CDK16: variants seen among roughly 807,000 people sequenced by gnomAD.
CDK16 encodes the protein cyclin dependent kinase 16, also known as cyclin-dependent kinase 16.
Under a neutral mutation model 41.6 loss-of-function variants are expected in CDK16, and 2 were observed. The observed-to-expected ratio is 0.05, with a 90% CI of 0.02 to 0.15. The LOEUF (loss-of-function observed/expected upper bound fraction) is 0.15, where lower values mean the gene tolerates loss of function less well. Ranked by LOEUF, CDK16 falls within the 10% of genes least tolerant of loss-of-function variation. CDK16 has a pLI of 1.00. For synonymous variants in CDK16, 169 were observed against 169.7 expected (o/e 1.00, Z 0.03); for missense variants, 228 against 428.9 (o/e 0.53, Z 4.14).
At position 47,227,436 on chromosome X, in the gene CDK16, A is replaced by G; in HGVS notation, c.1342A>G (p.Ser448Gly). 1 of 1,209,148 alleles carries G rather than the reference A, an allele frequency of 8.3e-7. No homozygotes were observed. Among genetic ancestry groups the G allele is most frequent in the African/African-American group, 1.7e-5 (1 of 57,659 alleles). Residue 448 changes from serine (S) to glycine (G), a missense_variant, in exon 14 of 16, where the codon AGT (serine) becomes GGT (glycine). Physicochemically the swap from Ser to Gly is moderately conservative, Grantham distance 56. Transcript: ENST00000357227. ...TGCCATGAAACATCCATTCTTCCTCAGTCTGGGGGAGCGGATCCACAAACT... is the reference window on the plus strand; with the variant it reads ...TGCCATGAAACATCCATTCTTCCTCGGTCTGGGGGAGCGGATCCACAAACT... ...EDAMKHPFFL[S>G]LGERIHKLPD...
rs780369654 is a variant in CDK16, at chrX:47,228,745, C to T, written c.1468C>T (p.Arg490Cys). Residue 490 changes from arginine (R) to cysteine (C), a missense_variant, in exon 16 of 16, where the codon CGC becomes TGC. Around this residue, in one of 3 missense-constraint regions of CDK16, gnomAD observed 91 missense variants for 129.5 expected, o/e 0.70. Coordinates refer to ENST00000357227, the MANE Select transcript of CDK16 (RefSeq NM_006201.5). Reference sequence around the variant, plus strand: ...TTCCCCCACAGGCAGGCCAGCTTTCCGCGTGGTGGACACCGAGTTCTAAGC... The same window carrying T: ...TTCCCCCACAGGCAGGCCAGCTTTCTGCGTGGTGGACACCGAGTTCTAAGC... ...SMPDSGRPAFRVVDTEF is the reference protein window; with the variant it reads ...SMPDSGRPAFCVVDTEF The T allele has an allele frequency of 1.2e-5, 15 of 1,207,855 alleles. No homozygotes were observed. The highest frequency in any genetic ancestry group is 7.1e-5 in the South Asian group (4 of 56,506).
rs781537687 is a variant in CDK16 at position 47,226,031 on chromosome X, G to C, written c.792+4G>C. ...CATCAACATGCACAACGTGAAAGTGGGTGTGGGGCAGGAAGCAGGGGCACA... is the reference window on the plus strand; with the variant it reads ...CATCAACATGCACAACGTGAAAGTGCGTGTGGGGCAGGAAGCAGGGGCACA... On this transcript the variant is annotated splice_donor_region_variant and intron_variant, in intron 8 of 15. Coordinates refer to ENST00000357227, the MANE Select transcript of CDK16 (RefSeq NM_006201.5). 8.4e-7 allele frequency: 1 copy of C among 1,193,631 alleles called. No homozygotes were observed. Among genetic ancestry groups the C allele is most frequent in the Non-Finnish European group, 1.1e-6 (1 of 886,269 alleles).
At chrX:47,218,454 A>G (rs1937170911), upstream of CDK16, 1 of 513,185 alleles carries the variant, frequency 1.9e-6, no homozygotes, top group Non-Finnish European at 3.1e-6. Flanking sequence ...GAGACCGAGT[A>G]GGGGGAACGA....
In CDK16 at chrX:47,228,891, C is replaced by A; in HGVS notation, c.*123C>A. The A allele has an allele frequency of 1.4e-6, 1 of 721,131 alleles. No homozygotes were observed. Among genetic ancestry groups the A allele is most frequent in the Non-Finnish European group, 2.1e-6 (1 of 473,402 alleles). The allele number at this position is 721,131 out of a possible 1,213,427, so 59.4% of individuals were successfully genotyped here. On this transcript the variant is annotated 3_prime_UTR_variant, in exon 16 of 16. Coordinates refer to ENST00000357227, the MANE Select transcript of CDK16 (RefSeq NM_006201.5). Reference sequence around the variant, plus strand: ...CCTGCCTGAGCCATGTTCACCTGCCCACTTGTCCCCTGCTGCCTGCCCAAA... The same window carrying A: ...CCTGCCTGAGCCATGTTCACCTGCCAACTTGTCCCCTGCTGCCTGCCCAAA...
rs1399495568 is a variant in CDK16 at position 47,224,607 on chromosome X, T to C, written c.337-11T>C. ...CTCATGATCCTGTTTCTCTCTTGCCTTACCTGCTAGGACATCAACAAGCGC... is the reference window on the plus strand; with the variant it reads ...CTCATGATCCTGTTTCTCTCTTGCCCTACCTGCTAGGACATCAACAAGCGC... On this transcript the variant is annotated splice_polypyrimidine_tract_variant and intron_variant, in intron 3 of 15. Coordinates refer to ENST00000357227, the MANE Select transcript of CDK16 (RefSeq NM_006201.5). 1 of 1,211,294 alleles carries C rather than the reference T, an allele frequency of 8.3e-7. No homozygotes were observed. The highest frequency in any genetic ancestry group is 2.2e-5 in the Admixed American group (1 of 45,994).
chrX:47,226,170 G>A, intron 8 of CDK16, 109 bp from the exon 9 acceptor site: 1 of 1,142,817 alleles, frequency 8.8e-7, no homozygotes, highest in Non-Finnish European at 1.2e-6. Context: ...CCTCTTTTGT[G>A]TGACAAGGCT....
intron 1 of CDK16, among the ~76,000 whole-genome samples, chrX:47,219,952 G>T (rs1381366830): frequency 9.1e-6 from 1 of 110,427 alleles, no homozygotes; most frequent in African/African-American, 3.3e-5. Flanking sequence ...AAGGAGATGA[G>T]AATTGCGTGT....
upstream of CDK16, chrX:47,218,387 T>G: frequency 2.6e-6 from 1 of 380,184 alleles, no homozygotes; most frequent in Non-Finnish European, 4.5e-6. Flanking sequence ...GAGTGCTTCA[T>G]TTGTCTTTTT....
Position 47,226,802 on chromosome X carries a change from C to A in CDK16, c.1038-10C>A, listed in dbSNP as rs1937558269. The A allele has an allele frequency of 1.7e-6, 2 of 1,200,336 alleles. No individual in the cohort carries two copies. ...GCTGCCTTTCTATTCACTGTGCCCT[C>A]CCTGCCCAGGGGTGTGGGCTGCATC... On this transcript the variant is annotated splice_polypyrimidine_tract_variant and intron_variant, in intron 10 of 15. Coordinates refer to ENST00000357227, the MANE Select transcript of CDK16 (RefSeq NM_006201.5).
chrX:47,222,990 A>G, intron 1 of CDK16: 1 of 637,248 alleles, frequency 1.6e-6, no homozygotes, highest in Non-Finnish European at 2.1e-6. Flanking sequence ...GAATGGGATG[A>G]TGCAGTGGTT....
chrX:47,222,952 T>TCCCCAC, intron 1 of CDK16: 1 of 655,455 alleles, frequency 1.5e-6, no homozygotes, highest in Non-Finnish European at 1.9e-6. Flanking sequence ...TGACACACGC[T>TCCCCAC]CCCCTCCCCC....
In CDK16 at chrX:47,227,242, A is replaced by G. The variant is rs760405805; in HGVS notation, c.1284+19A>G. On this transcript the variant is annotated intron_variant, in intron 13 of 15. Coordinates refer to ENST00000357227, the MANE Select transcript of CDK16 (RefSeq NM_006201.5). ...GTTGCAGGTGAGACCACCTTGGGTC[A>G]GCCTTGGGGGTATGGGATTCCAAGT... 82 of 1,192,675 alleles carry G rather than the reference A, an allele frequency of 6.9e-5. No individual in the cohort carries two copies. The highest frequency in any genetic ancestry group is 9.2e-5 in the Non-Finnish European group (81 of 881,327).
chrX:47,226,193 T>C lies in CDK16; in HGVS notation c.793-86T>C, dbSNP rs753962082. ...GTGTGACAAGGCTCTGGGCCTAGTG[T>C]CTGTGTTTGGGAGGGGAGCAGTGCC... On this transcript the variant is annotated intron_variant, in intron 8 of 15. Coordinates refer to ENST00000357227, the MANE Select transcript of CDK16 (RefSeq NM_006201.5). 1.7e-5 allele frequency: 20 copies of C among 1,167,271 alleles called. No individual in the cohort carries two copies. In the African/African-American group the frequency reaches 2.9e-4, roughly 17 times the overall value.
At position 47,218,782 on chromosome X, in the gene CDK16, C is replaced by G. The variant is rs996232419; in HGVS notation, c.-330C>G. The stretch of plus-strand genomic sequence containing the variant: ...GGCCCTGGGATCCGCCGCCACTCCG[C>G]GATCAGACCGCTCTGTGCCGCGAGC... On this transcript the variant is annotated 5_prime_UTR_variant, in exon 1 of 16. Coordinates refer to ENST00000357227, the MANE Select transcript of CDK16 (RefSeq NM_006201.5). 4 of 1,152,104 alleles carry G rather than the reference C, an allele frequency of 3.5e-6. No individual in the cohort carries two copies. The highest frequency in any genetic ancestry group is 5.2e-5 in the Admixed American group (2 of 38,438). 94.9% of individuals were successfully genotyped at this position (1,152,104 alleles called of 1,213,427 possible). A position where few individuals can be genotyped will look rare whatever the true frequency, so the allele number is the denominator to read the frequency against.
chrX:47,225,038 T>C lies in CDK16; in HGVS notation c.570T>C (p.Leu190=). The C allele has an allele frequency of 8.3e-7, 1 of 1,208,237 alleles. No individual in the cohort carries two copies. The highest frequency in any genetic ancestry group is 1.1e-6 in the Non-Finnish European group (1 of 893,722). ...GCAAAAGCAAGCTCACAGACAACCT[T>C]GTGGCACTCAAGGAGATCAGACTGG... The part of the protein sequence containing the change: ...YKGKSKLTDN[L]VALKEIRLEH... The change falls in exon 6 of 16, where the codon CTT becomes CTC. Residue 190 remains leucine, a synonymous_variant. Transcript: ENST00000357227.
Position 47,223,122 on chromosome X carries a change from C to T in CDK16, c.-6-430C>T, listed in dbSNP as rs910133589. 6.1e-6 allele frequency: 7 copies of T among 1,155,084 alleles called. No individual in the cohort carries two copies. The South Asian group carries it at 1.3e-4, about 22-fold the overall frequency. ...TGCCACTCTATGGCCGTGCTCGAGA[C>T]CATGTCACCCATCCTTCAATTCTGG... On this transcript the variant is annotated intron_variant, in intron 1 of 15. Coordinates refer to ENST00000357227, the MANE Select transcript of CDK16 (RefSeq NM_006201.5).
rs1937506353 is a variant in CDK16 at position 47,224,752 on chromosome X, C to T, written c.462+9C>T. On this transcript the variant is annotated intron_variant, in intron 4 of 15. Transcript: ENST00000357227. ...TCCGTCGTGTCAGCCTAGTAAGCACCTTCTGTTCCCGTCCTCTCCTTTTTC... is the reference window on the plus strand; with the variant it reads ...TCCGTCGTGTCAGCCTAGTAAGCACTTTCTGTTCCCGTCCTCTCCTTTTTC... 1 of 1,211,665 alleles carries T rather than the reference C, an allele frequency of 8.3e-7. No individual in the cohort carries two copies. The highest frequency in any genetic ancestry group is 1.1e-6 in the Non-Finnish European group (1 of 895,445).
rs1937190299 is a variant in CDK16 at position 47,218,763 on chromosome X, G to T, written c.-349G>T. On this transcript the variant is annotated 5_prime_UTR_variant, in exon 1 of 16. Transcript: ENST00000357227. ...GTTGGGCCGTTGGCTGTTCGGCCCTGGGATCCGCCGCCACTCCGCGATCAG... is the reference window on the plus strand; with the variant it reads ...GTTGGGCCGTTGGCTGTTCGGCCCTTGGATCCGCCGCCACTCCGCGATCAG... 2.6e-6 allele frequency: 3 copies of T among 1,157,083 alleles called. No individual in the cohort carries two copies. The highest frequency in any genetic ancestry group is 3.4e-6 in the Non-Finnish European group (3 of 870,576).
chrX:47,223,593 A>G lies in CDK16; in HGVS notation c.36A>G (p.Ser12=). The G allele has an allele frequency of 8.3e-7, 1 of 1,211,655 alleles. No homozygotes were observed. The change falls in exon 2 of 16, where the codon TCA becomes TCG. Residue 12 remains serine (S), a synonymous_variant. Transcript: ENST00000357227. ...DRMKKIKRQL[S]MTLRGGRGID... is the part of the protein sequence containing the mutation. Reference sequence around the variant, plus strand: ...TGAAGAAGATCAAACGGCAGCTGTCAATGACACTCCGAGGTGGCCGAGGCA... The same window carrying G: ...TGAAGAAGATCAAACGGCAGCTGTCGATGACACTCCGAGGTGGCCGAGGCA...
Sources: allele counts gnomAD v4.1 joint callset (sites outside exome capture counted in the v4.1 genomes callset), GRCh38; gene constraint gnomAD v4.1.1; regional missense constraint gnomAD v4.1.1; transcripts MANE v1.5; gene names NCBI Gene and HGNC (gene_info 2026-07-23, HGNC 2026-07-21).